The following SPNS1 variants were observed in gnomAD, a reference collection of about 807,000 sequenced individuals.
The protein encoded by SPNS1 is SPNS lysolipid transporter 1, lysophospholipid, also known as protein spinster homolog 1.
A neutral mutation model predicts 50.3 loss-of-function variants in SPNS1; 22 were observed. The observed-to-expected ratio is 0.44, with a 90% CI of 0.31 to 0.62. The LOEUF is 0.62. Among genes scored for constraint, SPNS1 ranks in the 20% least tolerant of loss-of-function variants. SPNS1 has a pLI of 0.07. For synonymous variants in SPNS1, 295 were observed against 317.4 expected, an observed-to-expected ratio of 0.93 and a Z score of 0.75; for missense variants, 576 against 728.6, an observed-to-expected ratio of 0.79 and a Z score of 2.41.
chr16:28,975,911 G>A (rs532432085), intron 2 of SPNS1, among the ~76,000 whole-genome samples: 1 of 152,292 alleles, frequency 6.6e-6, no homozygotes, highest in South Asian at 2.1e-4. Context: ...CTGATGTGAA[G>A]ATTAACTAAA....
At position 28,983,360 on chromosome 16, in the gene SPNS1, C is replaced by G; in HGVS notation, c.1320+70C>G. 1 of 1,270,370 alleles carries G rather than the reference C, an allele frequency of 7.9e-7. No individual in the cohort carries two copies. The highest frequency in any genetic ancestry group is 1.2e-6 in the Non-Finnish European group (1 of 868,888). The allele number at this position is 1,270,370 out of a possible 1,614,324, so 78.7% of individuals were successfully genotyped here. A position where few individuals can be genotyped will look rare whatever the true frequency, so the allele number is the denominator to read the frequency against. On this transcript the variant is annotated intron_variant, in intron 10 of 11. Coordinates refer to ENST00000311008, the MANE Select transcript of SPNS1 (RefSeq NM_032038.3). This position sits in a 1 kb window ranked among gnomAD's most constrained non-coding sequence, Gnocchi z 5.4. Reference sequence around the variant, plus strand: ...GCCTGGGCTGGATCAGAAGGCCTGGCCCTAGTGAAGTGTCTGTGTCCTGCG... The same window carrying G: ...GCCTGGGCTGGATCAGAAGGCCTGGGCCTAGTGAAGTGTCTGTGTCCTGCG...
downstream of SPNS1, chr16:28,984,756 C>T: frequency 9.6e-7 from 1 of 1,038,254 alleles, no homozygotes; most frequent in Non-Finnish European, 1.4e-6. Flanking sequence ...TGGAGCCTGT[C>T]CCTTGCCTCA....
In SPNS1 at chr16:28,982,439, C is replaced by G; in HGVS notation, c.1049C>G (p.Ser350Cys). ...GVEISRRLRH[S>C]NPRADPLVCA... is the part of the protein sequence containing the mutation. ...GAGATCAGCCGCCGGCTCCGCCACT[C>G]CAACCCCCGGGCTGATCCCCTGGTC... Residue 350 changes from serine (S) to cysteine (C), a missense_variant, in exon 8 of 12, where the codon TCC (serine) becomes TGC (cysteine). By Grantham distance (112) the Ser-to-Cys change is moderately radical. Around this residue, in one of 3 missense-constraint regions of SPNS1, gnomAD observed 428 missense variants for 520.1 expected, o/e 0.82. Transcript: ENST00000311008. 1 of 1,613,830 alleles carries G rather than the reference C, an allele frequency of 6.2e-7. No homozygotes were observed. The highest frequency in any genetic ancestry group is 8.5e-7 in the Non-Finnish European group (1 of 1,179,854).
intron 7 of SPNS1, 71 bp from the exon 8 acceptor site, chr16:28,982,285 G>C: frequency 2.7e-6 from 4 of 1,496,606 alleles, no homozygotes; most frequent in Non-Finnish European, 3.6e-6. Context: ...TGTGAGGGTG[G>C]CTAGGATGGA....
intron 2 of SPNS1, among the ~76,000 whole-genome samples, chr16:28,976,654 C>G (rs1197089167): frequency 6.6e-6 from 1 of 152,156 alleles, no homozygotes; most frequent in South Asian, 2.1e-4. Context: ...GGAGGCGGAA[C>G]AGGAATTTGA....
chr16:28,978,081 C>G (rs749934007), intron 3 of SPNS1, 37 bp downstream of exon 3: 1 of 1,601,316 alleles, frequency 6.2e-7, no homozygotes, highest in South Asian at 1.1e-5. Context: ...CTGCCCACAC[C>G]CCCTCCCTGT....
At chr16:28,982,798 G>T in intron 8 of SPNS1, 59 bp from the exon 9 acceptor site, 2 of 1,582,674 alleles carry the variant, frequency 1.3e-6, no homozygotes, top group Non-Finnish European at 1.7e-6. Flanking sequence ...TGGGAACATG[G>T]TCAACTTTCC....
intron 11 of SPNS1, 51 bp from the exon 12 acceptor site, chr16:28,984,153 CT>C: frequency 6.6e-7 from 1 of 1,517,086 alleles, no homozygotes. Context: ...CCTTCTCTGG[CT>C]TTGTCTGTCT....
intron 2 of SPNS1, 30 bp downstream of exon 2, chr16:28,975,587 C>T: frequency 6.2e-7 from 1 of 1,612,032 alleles, no homozygotes; most frequent in Non-Finnish European, 8.5e-7. Flanking sequence ...GGTCACACAG[C>T]CGCTCCTCCT....
Position 28,984,273 on chromosome 16 carries a change from G to A in SPNS1, c.1561G>A (p.Val521Met), listed in dbSNP as rs780952040. The change falls in exon 12 of 12, where the codon GTG (valine) becomes ATG (methionine). Residue 521 changes from valine to methionine, a missense_variant. Val to Met is a conservative substitution (Grantham distance 21). This residue lies in a region of SPNS1 where 428 missense variants were observed against 520.1 expected (regional missense o/e 0.82). Coordinates refer to ENST00000311008, the MANE Select transcript of SPNS1 (RefSeq NM_032038.3). Reference protein sequence around the residue: ...VVPQRGRSTRVPVASVLI With the variant: ...VVPQRGRSTRMPVASVLI ...GCCCCAGCGGGGCCGCTCCACCCGCGTGCCCGTGGCCAGTGTGCTCATCTG... is the reference window on the plus strand; with the variant it reads ...GCCCCAGCGGGGCCGCTCCACCCGCATGCCCGTGGCCAGTGTGCTCATCTG... 70 of 1,612,418 alleles carry A rather than the reference G, an allele frequency of 4.3e-5. No homozygotes were observed. Among genetic ancestry groups the A allele is most frequent in the Admixed American group, 6.7e-5 (4 of 59,946 alleles).
In SPNS1 at chr16:28,974,784, C is replaced by G; in HGVS notation, c.-368C>G. The G allele has an allele frequency of 6.5e-7, 1 of 1,535,344 alleles. No individual in the cohort carries two copies. Among genetic ancestry groups the G allele is most frequent in the Non-Finnish European group, 8.7e-7 (1 of 1,146,358 alleles). On this transcript the variant is annotated 5_prime_UTR_variant, in exon 1 of 12. Transcript: ENST00000311008. ...CCACCCTGGCTCCCGCGTCACATGACCGGCTTTAAGCAACATGGCGGCTGC... is the reference window on the plus strand; with the variant it reads ...CCACCCTGGCTCCCGCGTCACATGAGCGGCTTTAAGCAACATGGCGGCTGC...
In SPNS1 at chr16:28,983,833, G is replaced by T; in HGVS notation, c.1368G>T (p.Glu456Asp). The change falls in exon 11 of 12, where the codon GAG (glutamate) becomes GAT (aspartate). Residue 456 changes from glutamate to aspartate, a missense_variant. Physicochemically the swap from Glu to Asp is conservative, Grantham distance 45 (BLOSUM62 2). This residue lies in a region of SPNS1 where 428 missense variants were observed against 520.1 expected (regional missense o/e 0.82). Coordinates refer to ENST00000311008, the MANE Select transcript of SPNS1 (RefSeq NM_032038.3). This position sits in a 1 kb window ranked among gnomAD's most constrained non-coding sequence, Gnocchi z 5.4. ...ACTGGCCCCCCTCCTTCTTGTCCGA[G>T]TTCCGGGCTCTGCAGTTCTCGCTCA... ...RRNWPPSFLS[E>D]FRALQFSLML... The T allele has an allele frequency of 1.2e-6, 2 of 1,604,734 alleles. No homozygotes were observed. Among genetic ancestry groups the T allele is most frequent in the Non-Finnish European group, 1.7e-6 (2 of 1,178,794 alleles).
intron 1 of SPNS1, 31 bp downstream of exon 1, chr16:28,975,423 C>T (rs2141661181): frequency 6.2e-7 from 1 of 1,614,178 alleles, no homozygotes. Flanking sequence ...GGAAGATAGT[C>T]TAGGAGAGGG....
chr16:28,981,850 T>C lies in SPNS1; in HGVS notation c.810-51T>C. 6.2e-7 allele frequency: 1 copy of C among 1,605,188 alleles called. No homozygotes were observed. Among genetic ancestry groups the C allele is most frequent in the Admixed American group, 1.7e-5 (1 of 59,942 alleles). ...GGAAGGGAGAAGAGAGGTCCCCTCC[T>C]GCCTCGACACCTCCGTGGGGTCTTA... is the stretch of plus-strand genomic sequence containing the variant. On this transcript the variant is annotated intron_variant, in intron 6 of 11. Transcript: ENST00000311008. This position sits in a 1 kb window ranked among gnomAD's most constrained non-coding sequence, Gnocchi z 4.2.
rs201443284 is a variant in SPNS1 at position 28,980,022 on chromosome 16, C to CAA, written c.663+568_663+569dup. ...TGGGCGACAGTGCGAGACTCCTTCT[C>CAA]AAAAAAAAAAAAAAAAAATTTTGCC... On this transcript the variant is annotated intron_variant, in intron 5 of 11. Coordinates refer to ENST00000311008, the MANE Select transcript of SPNS1 (RefSeq NM_032038.3). 1.7e-3 allele frequency: 197 copies of CAA among 117,582 alleles called. 1 individual carries two copies. The highest frequency in any genetic ancestry group is 3.5e-3 in the African/African-American group (108 of 30,872). 7.3% of individuals were successfully genotyped at this position (117,582 alleles called of 1,614,324 possible).
chr16:28,975,246 G>A lies in SPNS1; in HGVS notation c.95G>A (p.Gly32Glu). 2 of 1,540,616 alleles carry A rather than the reference G, an allele frequency of 1.3e-6. No homozygotes were observed. Among genetic ancestry groups the A allele is most frequent in the South Asian group, 1.2e-5 (1 of 84,006 alleles). Residue 32 changes from glycine (G) to glutamate (E), a missense_variant, in exon 1 of 12, where the codon GGG becomes GAG. Around this residue, in one of 3 missense-constraint regions of SPNS1, gnomAD observed 144 missense variants for 181.2 expected, o/e 0.79. Coordinates refer to ENST00000311008, the MANE Select transcript of SPNS1 (RefSeq NM_032038.3). Reference protein sequence around the residue: ...PGTPGLPGSTGNPKSEEPEVP... With the variant: ...PGTPGLPGSTENPKSEEPEVP... ...ACCCCGGGGTTGCCAGGGTCCACGGGGAACCCGAAGTCCGAGGAGCCCGAG... is the reference window on the plus strand; with the variant it reads ...ACCCCGGGGTTGCCAGGGTCCACGGAGAACCCGAAGTCCGAGGAGCCCGAG...
At position 28,981,728 on chromosome 16, in the gene SPNS1, A is replaced by C. The variant is rs6565300; in HGVS notation, c.809+113A>C. ...CACCCCAAGGCCAGTAATTCGGTCG[A>C]TACTGTCCCCTTGTGGCAGCTGCTT... On this transcript the variant is annotated intron_variant, in intron 6 of 11. Coordinates refer to ENST00000311008, the MANE Select transcript of SPNS1 (RefSeq NM_032038.3). This position sits in a 1 kb window ranked among gnomAD's most constrained non-coding sequence, Gnocchi z 4.2. The C allele has an allele frequency of 0.72, 1,092,668 of 1,518,278 alleles. 397,661 individuals carry two copies. The highest frequency in any genetic ancestry group is 0.92 in the East Asian group (40,710 of 44,144). 94.1% of individuals were successfully genotyped at this position (1,518,278 alleles called of 1,614,324 possible).
chr16:28,983,123 C>A lies in SPNS1; in HGVS notation c.1222-69C>A. 1 of 1,370,944 alleles carries A rather than the reference C, an allele frequency of 7.3e-7. No homozygotes were observed. Among genetic ancestry groups the A allele is most frequent in the South Asian group, 1.2e-5 (1 of 84,536 alleles). 84.9% of individuals were successfully genotyped at this position (1,370,944 alleles called of 1,614,324 possible). ...CCGGCCTAGGCGGATCCTTGGTGGT[C>A]TCCTGGCCCCCTGCCTCCTGCCCCC... On this transcript the variant is annotated intron_variant, in intron 9 of 11. Coordinates refer to ENST00000311008, the MANE Select transcript of SPNS1 (RefSeq NM_032038.3). The surrounding 1 kb of genome is among the most constrained non-coding windows in gnomAD (Gnocchi z 5.4).
chr16:28,984,177 C>T (rs934134396), intron 11 of SPNS1, 28 bp from the exon 12 acceptor site: 5 of 1,535,860 alleles, frequency 3.3e-6, no homozygotes, highest in Admixed American at 2.1e-5. Flanking sequence ...CCATCCAGCT[C>T]ACCCTGGCTC....
Sources: allele counts gnomAD v4.1 joint callset (sites outside exome capture counted in the v4.1 genomes callset), GRCh38; gene constraint gnomAD v4.1.1; regional missense constraint gnomAD v4.1.1; non-coding constraint Gnocchi (gnomAD v3.1); transcripts MANE v1.5; gene names NCBI Gene and HGNC (gene_info 2026-07-23, HGNC 2026-07-21).